The following PID1 variants were observed in gnomAD, a reference collection of about 807,000 sequenced individuals.
PID1 encodes the protein PTB-containing, cubilin and LRP1-interacting protein.
A neutral mutation model predicts 19.1 loss-of-function variants in PID1; 10 were observed. The observed-to-expected ratio is 0.52, with a 90% CI of 0.32 to 0.89. The LOEUF is 0.89. Ranked by LOEUF, PID1 falls within the 40% of genes least tolerant of loss-of-function variation. The pLI, the probability that PID1 is intolerant of heterozygous loss-of-function variation, is 0.03. For synonymous variants in PID1, 130 were observed against 116.0 expected (o/e 1.12, Z -0.78); for missense variants, 248 against 285.3 (o/e 0.87, Z 0.94).
chr2:229,101,992 A>C (rs1226016664), intron 2 of PID1, among the ~76,000 whole-genome samples: 1 of 152,160 alleles, frequency 6.6e-6, no homozygotes, highest in Non-Finnish European at 1.5e-5. Context: ...TTAAATGTAG[A>C]GAGGAAGGGA....
intron 2 of PID1, among the ~76,000 whole-genome samples, chr2:229,122,148 G>A (rs1188421472): frequency 5.3e-5 from 8 of 152,102 alleles, no homozygotes; most frequent in South Asian, 2.1e-4. Context: ...TGGTTGAGGC[G>A]AAGAGTTTCT....
At chr2:229,257,677 C>T (rs538244472) in intron 1 of PID1, among the ~76,000 whole-genome samples, 1 of 152,274 alleles carries the variant, frequency 6.6e-6, no homozygotes, top group South Asian at 2.1e-4. Context: ...TTACCCTTGA[C>T]CTTAAAGGAG....
intron 2 of PID1, among the ~76,000 whole-genome samples, chr2:229,051,116 T>C (rs180707089): frequency 7.8e-4 from 119 of 152,324 alleles, no homozygotes; most frequent in Admixed American, 2.4e-3. Flanking sequence ...GTAGGAATTC[T>C]AGTCTCACTC....
chr2:229,043,008 A>AT (rs1693803491), intron 2 of PID1, among the ~76,000 whole-genome samples: 3 of 124,666 alleles, frequency 2.4e-5, no homozygotes, highest in South Asian at 2.5e-4. Context: ...GAAAGGGAGA[A>AT]ATTTTTTTTT....
intron 1 of PID1, among the ~76,000 whole-genome samples, chr2:229,248,142 A>G (rs566440599): frequency 6.6e-6 from 1 of 152,344 alleles, no homozygotes; most frequent in South Asian, 2.1e-4. Flanking sequence ...AAATTATGTC[A>G]CCAACTAACT....
chr2:229,190,323 G>A (rs1195503002), intron 1 of PID1, among the ~76,000 whole-genome samples: 2 of 152,216 alleles, frequency 1.3e-5, no homozygotes, highest in Non-Finnish European at 2.9e-5. Context: ...TTATGCAAAT[G>A]ATAGAGTTGA....
intron 1 of PID1, among the ~76,000 whole-genome samples, chr2:229,256,960 TA>T (rs1690317280): frequency 6.6e-6 from 1 of 152,200 alleles, no homozygotes; most frequent in South Asian, 2.1e-4. Flanking sequence ...GATTTGTAAC[TA>T]TGGGTGCCTA....
At chr2:229,175,017 G>C (rs1690790008) in intron 1 of PID1, among the ~76,000 whole-genome samples, 1 of 152,192 alleles carries the variant, frequency 6.6e-6, no homozygotes, top group African/African-American at 2.4e-5. Context: ...TGTATATGGA[G>C]AGAAAACAGG....
chr2:229,176,159 TAAA>T (rs3084653), intron 1 of PID1, among the ~76,000 whole-genome samples: 3 of 149,604 alleles, frequency 2.0e-5, no homozygotes, highest in South Asian at 2.1e-4. Flanking sequence ...CTTCAAAAAT[TAAA>T]AAAAAAAAAA....
chr2:229,159,779 AAAAAG>A (rs1184326390), intron 1 of PID1, among the ~76,000 whole-genome samples: 1 of 152,170 alleles, frequency 6.6e-6, no homozygotes, highest in East Asian at 1.9e-4. Flanking sequence ...CTTGAATTTA[AAAAAG>A]AAAAGTAAGA....
intron 1 of PID1, among the ~76,000 whole-genome samples, chr2:229,223,549 C>T (rs1359744443): frequency 2.0e-5 from 3 of 152,216 alleles, no homozygotes; most frequent in Non-Finnish European, 4.4e-5. Context: ...AAACAAAGTG[C>T]TAATTTCTTC....
chr2:229,195,714 T>A (rs1691364919), intron 1 of PID1, among the ~76,000 whole-genome samples: 2 of 151,922 alleles, frequency 1.3e-5, no homozygotes, highest in Non-Finnish European at 2.9e-5. Flanking sequence ...AGACAAAAAG[T>A]GTTTCATGGT....
chr2:229,231,887 A>C (rs2106267658), intron 1 of PID1: 2 of 1,549,590 alleles, frequency 1.3e-6, no homozygotes, highest in South Asian at 2.4e-5. Context: ...ACCACAGAGT[A>C]GATAATTTAT....
intron 2 of PID1, among the ~76,000 whole-genome samples, chr2:229,139,039 G>GAAAGCAAGCA (rs879704273): frequency 4.1e-5 from 2 of 48,362 alleles, no homozygotes; most frequent in Admixed American, 2.0e-4. Context: ...AAGAAAGAAA[G>GAAAGCAAGCA]AGAAAGAAAG....
At chr2:229,154,276 C>T (rs537122540) in intron 2 of PID1, among the ~76,000 whole-genome samples, 7 of 152,104 alleles carry the variant, frequency 4.6e-5, no homozygotes, top group African/African-American at 1.4e-4. Flanking sequence ...CCACCCCCAG[C>T]GCCACCACTC....
intron 1 of PID1, among the ~76,000 whole-genome samples, chr2:229,167,270 T>C (rs1393954403): frequency 1.3e-5 from 2 of 152,146 alleles, no homozygotes; most frequent in Non-Finnish European, 2.9e-5. Flanking sequence ...TCAAAGAATC[T>C]TTCCAGAAGA....
chr2:229,186,313 T>C (rs1455619551), intron 1 of PID1, among the ~76,000 whole-genome samples: 3 of 152,212 alleles, frequency 2.0e-5, no homozygotes, highest in Non-Finnish European at 2.9e-5. Flanking sequence ...TCGGTGGATC[T>C]ACCATTCTGG....
At chr2:229,070,751 T>A (rs1216267378) in intron 2 of PID1, among the ~76,000 whole-genome samples, 2 of 151,376 alleles carry the variant, frequency 1.3e-5, no homozygotes, top group Non-Finnish European at 2.9e-5. Context: ...TAGGCTGGAG[T>A]TTTAAAATAC....
At chr2:229,082,830 C>G (rs951316790) in intron 2 of PID1, among the ~76,000 whole-genome samples, 2 of 152,142 alleles carry the variant, frequency 1.3e-5, no homozygotes, top group Non-Finnish European at 2.9e-5. Flanking sequence ...AAGCAGAAGA[C>G]CCAGTAAAGC....
Sources: allele counts gnomAD v4.1 joint callset (sites outside exome capture counted in the v4.1 genomes callset), GRCh38; gene constraint gnomAD v4.1.1; transcripts MANE v1.5; gene names NCBI Gene and HGNC (gene_info 2026-07-23, HGNC 2026-07-21).